MAGI2: variants seen among roughly 807,000 people sequenced by gnomAD.
The protein encoded by MAGI2 is membrane associated guanylate kinase, WW and PDZ domain containing 2.
In MAGI2, 35 loss-of-function variants were observed where a neutral mutation model predicts 133.3. The observed-to-expected ratio is 0.26, with a 90% confidence interval of 0.20 to 0.35. The LOEUF is 0.35. Among genes scored for constraint, MAGI2 ranks in the 10% least tolerant of loss-of-function variants. The pLI, the probability that MAGI2 is intolerant of heterozygous loss-of-function variation, is 1.00. For synonymous variants in MAGI2, 729 were observed against 710.6 expected (o/e 1.03, Z -0.41); for missense variants, 1,636 against 1,863.4 (o/e 0.88, Z 2.25).
chr7:78,493,050 A>T (rs1462830332), intron 5 of MAGI2, among the ~76,000 whole-genome samples: 1 of 152,310 alleles, frequency 6.6e-6, no homozygotes, highest in African/African-American at 2.4e-5. Context: ...AAAACCAGAA[A>T]CAATGGTTTA....
At chr7:78,744,527 C>CA (rs552987812) in intron 2 of MAGI2, among the ~76,000 whole-genome samples, 2 of 151,866 alleles carry the variant, frequency 1.3e-5, no homozygotes, top group Non-Finnish European at 2.9e-5. Context: ...GTCCCACTAA[C>CA]AAAAAAACGT....
At chr7:78,077,732 T>TG (rs1401360451) in intron 21 of MAGI2, among the ~76,000 whole-genome samples, 1 of 146,138 alleles carries the variant, frequency 6.8e-6, no homozygotes, top group Non-Finnish European at 1.5e-5. Context: ...AATGTTTTTT[T>TG]TTTTTTTTTT....
At chr7:78,586,618 A>G (rs1331529764) in intron 3 of MAGI2, among the ~76,000 whole-genome samples, 3 of 152,140 alleles carry the variant, frequency 2.0e-5, no homozygotes, top group Non-Finnish European at 4.4e-5. Context: ...TAAGTATACT[A>G]TTCAGTGACA....
At chr7:78,513,097 T>C (rs1234060355) in intron 4 of MAGI2, among the ~76,000 whole-genome samples, 1 of 152,024 alleles carries the variant, frequency 6.6e-6, no homozygotes, top group Non-Finnish European at 1.5e-5. Flanking sequence ...AACATGCACA[T>C]ACAACATTTC....
intron 16 of MAGI2, among the ~76,000 whole-genome samples, chr7:78,145,201 C>T (rs1421150205): frequency 6.6e-6 from 1 of 152,166 alleles, no homozygotes; most frequent in Non-Finnish European, 1.5e-5. Flanking sequence ...AACTTACAGG[C>T]ACTGCTTTAT....
At chr7:79,376,899 T>C (rs1843422726) in intron 1 of MAGI2, among the ~76,000 whole-genome samples, 1 of 151,636 alleles carries the variant, frequency 6.6e-6, no homozygotes, top group African/African-American at 2.4e-5. Flanking sequence ...ACCATCCATA[T>C]GCAGCTTCCT....
intron 2 of MAGI2, among the ~76,000 whole-genome samples, chr7:78,700,549 A>T (rs752438714): frequency 1.3e-5 from 2 of 152,126 alleles, no homozygotes; most frequent in Non-Finnish European, 2.9e-5. Flanking sequence ...TCCATCTGAC[A>T]GTGTTTAAAC....
intron 1 of MAGI2, among the ~76,000 whole-genome samples, chr7:79,076,618 T>C (rs1247983420): frequency 6.6e-6 from 1 of 152,210 alleles, no homozygotes; most frequent in African/African-American, 2.4e-5. Context: ...ATAATGCATA[T>C]CCCGTTTTCC....
intron 1 of MAGI2, among the ~76,000 whole-genome samples, chr7:79,176,613 A>G (rs2129549742): frequency 6.6e-6 from 1 of 152,112 alleles, no homozygotes; most frequent in Non-Finnish European, 1.5e-5. Flanking sequence ...AGATATATAG[A>G]TACATTAATA....
At chr7:79,050,073 AG>A (rs1227573383) in intron 1 of MAGI2, among the ~76,000 whole-genome samples, 3 of 152,158 alleles carry the variant, frequency 2.0e-5, no homozygotes, top group Non-Finnish European at 4.4e-5. Flanking sequence ...GTTCCTTCAA[AG>A]GTGATTTAAA....
chr7:78,589,149 T>C (rs1452673744), intron 3 of MAGI2, among the ~76,000 whole-genome samples: 2 of 152,208 alleles, frequency 1.3e-5, no homozygotes, highest in African/African-American at 4.8e-5. Context: ...ATAAATGTTT[T>C]GAAGTAGATA....
At chr7:78,895,454 A>G (rs966427479) in intron 2 of MAGI2, among the ~76,000 whole-genome samples, 4 of 152,178 alleles carry the variant, frequency 2.6e-5, no homozygotes, top group Non-Finnish European at 4.4e-5. Flanking sequence ...CAAGACTGTA[A>G]TGATGAAGAA....
intron 21 of MAGI2, among the ~76,000 whole-genome samples, chr7:78,022,172 A>C (rs755579409): frequency 7.2e-5 from 11 of 152,230 alleles, no homozygotes; most frequent in Non-Finnish European, 1.3e-4. Flanking sequence ...GGTGGGTTAG[A>C]GTTTAAAATC....
At chr7:78,660,295 C>A (rs1414314716) in intron 2 of MAGI2, among the ~76,000 whole-genome samples, 2 of 152,110 alleles carry the variant, frequency 1.3e-5, no homozygotes. Flanking sequence ...AAAAAAAAGA[C>A]CCTATTCTTT....
intron 2 of MAGI2, among the ~76,000 whole-genome samples, chr7:78,730,746 A>T (rs1310947889): frequency 1.3e-5 from 2 of 152,150 alleles, no homozygotes; most frequent in African/African-American, 2.4e-5. Context: ...TCCGCTGGGA[A>T]ACACAGACAA....
At chr7:78,497,766 T>TCTGTCTGTCTGTCTGTCTGTCTG (rs1385517709) in intron 5 of MAGI2, among the ~76,000 whole-genome samples, 1 of 135,312 alleles carries the variant, frequency 7.4e-6, no homozygotes, top group African/African-American at 2.7e-5. Context: ...CTATCTATCT[T>TCTGTCTGTCTGTCTGTCTGTCTG]TCTATCTTAT....
intron 2 of MAGI2, among the ~76,000 whole-genome samples, chr7:78,717,446 T>TTC (rs1819827956): frequency 6.6e-6 from 1 of 152,174 alleles, no homozygotes; most frequent in Non-Finnish European, 1.5e-5. Flanking sequence ...TTCAGGACCT[T>TTC]ACTATGGTGA....
chr7:78,504,903 C>G (rs761804706), intron 4 of MAGI2, among the ~76,000 whole-genome samples: 1 of 151,962 alleles, frequency 6.6e-6, no homozygotes. Flanking sequence ...AAAGAGTAAT[C>G]TAAGCTGCAG....
At chr7:78,593,232 A>G (rs1804232928) in intron 3 of MAGI2, among the ~76,000 whole-genome samples, 1 of 152,102 alleles carries the variant, frequency 6.6e-6, no homozygotes, top group Non-Finnish European at 1.5e-5. Flanking sequence ...CTCTACTAAA[A>G]ATACAAAAAA....
Sources: gnomAD v4.1 joint callset for allele counts (sites outside exome capture counted in the v4.1 genomes callset) on GRCh38, gnomAD v4.1.1 for gene constraint, MANE v1.5 for transcripts, NCBI Gene and HGNC (gene_info 2026-07-23, HGNC 2026-07-21) for gene names.